RIGI: variants seen among roughly 807,000 people sequenced by gnomAD.
RIGI encodes the protein RNA sensor RIG-I.
At chr9:32,494,758 G>C in the RIGI span, among the ~76,000 whole-genome samples, 12 of 152,132 alleles carry the variant, frequency 7.9e-5, no homozygotes, top group African/African-American at 2.9e-4. Flanking sequence ...AATCTATATA[G>C]GTGGCAAAAT....
At chr9:32,492,904 TC>T in the RIGI span, among the ~76,000 whole-genome samples, 2 of 152,086 alleles carry the variant, frequency 1.3e-5, no homozygotes, top group Non-Finnish European at 2.9e-5. Context: ...AACAAATTTT[TC>T]TTCAGGGTTG....
chr9:32,484,422 C>T, the RIGI span, among the ~76,000 whole-genome samples: 1 of 152,178 alleles, frequency 6.6e-6, no homozygotes, highest in African/African-American at 2.4e-5. Flanking sequence ...ATCCCTAAAA[C>T]TCAAAACTCA....
At chr9:32,506,884 A>G in the RIGI span, among the ~76,000 whole-genome samples, 1 of 152,228 alleles carries the variant, frequency 6.6e-6, no homozygotes, top group African/African-American at 2.4e-5. Flanking sequence ...TGAAATACCA[A>G]TAAATCCATT....
At chr9:32,516,188 C>T in the RIGI span, among the ~76,000 whole-genome samples, 3 of 152,220 alleles carry the variant, frequency 2.0e-5, no homozygotes, top group African/African-American at 7.2e-5. Flanking sequence ...GCCCCTCATT[C>T]ATCATGATTG....
At chr9:32,459,408 G>A in the RIGI span, 2 of 1,613,658 alleles carry the variant, frequency 1.2e-6, no homozygotes, top group East Asian at 2.2e-5. Context: ...ACATGCCAAG[G>A]CTTTGCACTT....
chr9:32,494,964 C>T, the RIGI span, among the ~76,000 whole-genome samples: 13 of 152,180 alleles, frequency 8.5e-5, no homozygotes, highest in East Asian at 1.5e-3. Context: ...TAAGCTATCA[C>T]GAATAATGCT....
the RIGI span, among the ~76,000 whole-genome samples, chr9:32,525,436 C>A: frequency 6.6e-6 from 1 of 152,186 alleles, no homozygotes; most frequent in Non-Finnish European, 1.5e-5. Context: ...AGCCTCTGCT[C>A]ATCTCCAGCA....
chr9:32,524,595 G>GTTTTTTTTTTTTTTTT, the RIGI span, among the ~76,000 whole-genome samples: 1 of 82,348 alleles, frequency 1.2e-5, no homozygotes, highest in Non-Finnish European at 2.6e-5. Context: ...TTTGTTTTTC[G>GTTTTTTTTTTTTTTTT]GTTTTTTTTT....
At chr9:32,522,457 AT>A in the RIGI span, among the ~76,000 whole-genome samples, 3 of 152,172 alleles carry the variant, frequency 2.0e-5, no homozygotes, top group African/African-American at 7.2e-5. Context: ...GGAACAAGTT[AT>A]TTTCCCAGGG....
the RIGI span, among the ~76,000 whole-genome samples, chr9:32,508,239 A>ATTTTTTTTTGTTTTTTTTTTTTTTTTT: frequency 1.4e-5 from 1 of 70,336 alleles, no homozygotes; most frequent in Non-Finnish European, 2.6e-5. Flanking sequence ...TATTTACTTA[A>ATTTTTTTTTGTTTTTTTTTTTTTTTTT]TTTTTTTTTT....
At chr9:32,466,834 G>C in the RIGI span, among the ~76,000 whole-genome samples, 1 of 151,792 alleles carries the variant, frequency 6.6e-6, no homozygotes, top group African/African-American at 2.4e-5. Context: ...CGTACTGTCA[G>C]AAACACTGCT....
chr9:32,504,955 T>TTTAAACATA, the RIGI span, among the ~76,000 whole-genome samples: 1 of 49,884 alleles, frequency 2.0e-5, no homozygotes, highest in South Asian at 8.6e-4. Flanking sequence ...AACATATATA[T>TTTAAACATA]TATATATTTA....
At chr9:32,460,824 G>A in the RIGI span, among the ~76,000 whole-genome samples, 1 of 152,074 alleles carries the variant, frequency 6.6e-6, no homozygotes, top group Admixed American at 6.5e-5. Context: ...AAAAAATGAT[G>A]TCATGGCACT....
the RIGI span, among the ~76,000 whole-genome samples, chr9:32,498,907 C>T: frequency 2.7e-4 from 40 of 147,556 alleles, no homozygotes; most frequent in African/African-American, 5.5e-4. Flanking sequence ...AGCTCGAACC[C>T]GGGAGGCGGA....
chr9:32,459,672 A>G, the RIGI span, among the ~76,000 whole-genome samples: 1 of 152,176 alleles, frequency 6.6e-6, no homozygotes, highest in African/African-American at 2.4e-5. Flanking sequence ...AAAATCACAG[A>G]TTTTATTGGT....
chr9:32,521,139 C>CAAAAAAAAAAAAAAAAAAAAAAAAA, the RIGI span, among the ~76,000 whole-genome samples: 13 of 32,778 alleles, frequency 4.0e-4, 5 homozygotes, highest in Non-Finnish European at 7.2e-4. Context: ...GACACCATCT[C>CAAAAAAAAAAAAAAAAAAAAAAAAA]AAAAAAAAAA....
At chr9:32,494,482 C>G in the RIGI span, among the ~76,000 whole-genome samples, 3 of 152,142 alleles carry the variant, frequency 2.0e-5, no homozygotes, top group East Asian at 5.8e-4. Flanking sequence ...GAGAAAAATA[C>G]TAATGGCCAA....
At chr9:32,480,211 C>G in the RIGI span, 3 of 1,591,866 alleles carry the variant, frequency 1.9e-6, no homozygotes, top group South Asian at 3.4e-5. Flanking sequence ...TCTGAAAACA[C>G]CACTCACCTT....
chr9:32,475,895 G>T, the RIGI span, among the ~76,000 whole-genome samples: 1 of 152,050 alleles, frequency 6.6e-6, no homozygotes, highest in Non-Finnish European at 1.5e-5. Context: ...CCACAGACCA[G>T]AAGAAAATAT....
Sources: gnomAD v4.1 joint callset for allele counts (sites outside exome capture counted in the v4.1 genomes callset) on GRCh38, gnomAD v4.1.1 for gene constraint, MANE v1.5 for transcripts, NCBI Gene and HGNC (gene_info 2026-07-23, HGNC 2026-07-21) for gene names.